CCDC60: variants seen among roughly 807,000 people sequenced by gnomAD.
The protein encoded by CCDC60 is coiled-coil domain containing 60.
Under a neutral mutation model 63.5 loss-of-function variants are expected in CCDC60, and 54 were observed. The ratio of observed to expected loss-of-function variants is 0.85; its 90% CI spans 0.68 to 1.07. The LOEUF (loss-of-function observed/expected upper bound fraction) is 1.07. Ranked by LOEUF, CCDC60 falls within the 50% of genes least tolerant of loss-of-function variation. The pLI is 0.00. For missense variants in CCDC60, 651 were observed against 684.3 expected (o/e 0.95, Z 0.54); for synonymous variants, 206 against 238.8 (o/e 0.86, Z 1.27).
intron 1 of CCDC60, among the ~76,000 whole-genome samples, chr12:119,381,768 G>A (rs1956009854): frequency 6.6e-6 from 1 of 152,122 alleles, no homozygotes; most frequent in South Asian, 2.1e-4. Flanking sequence ...AGTGGAGTCT[G>A]GACTCTTAGA....
At chr12:119,526,284 A>C (rs1952674313) in intron 11 of CCDC60, among the ~76,000 whole-genome samples, 1 of 152,242 alleles carries the variant, frequency 6.6e-6, no homozygotes, top group Non-Finnish European at 1.5e-5. Context: ...AAAGACTTAA[A>C]TGTAAAACCC....
intron 1 of CCDC60, among the ~76,000 whole-genome samples, chr12:119,381,883 C>A (rs1956010978): frequency 6.6e-6 from 1 of 152,200 alleles, no homozygotes; most frequent in Admixed American, 6.5e-5. Flanking sequence ...TGGGGAGGTG[C>A]CTGTGCTACA....
intron 2 of CCDC60, among the ~76,000 whole-genome samples, chr12:119,442,434 C>T (rs911727379): frequency 6.6e-6 from 1 of 152,098 alleles, no homozygotes; most frequent in African/African-American, 2.4e-5. Context: ...GGCAACATGG[C>T]GAAACCACGT....
At chr12:119,406,192 G>GATAT (rs144346171) in intron 1 of CCDC60, among the ~76,000 whole-genome samples, 1 of 143,214 alleles carries the variant, frequency 7.0e-6, no homozygotes, top group Non-Finnish European at 1.5e-5. Flanking sequence ...TATATATATA[G>GATAT]ATATATATAT....
intron 2 of CCDC60, among the ~76,000 whole-genome samples, chr12:119,440,193 C>T (rs752212021): frequency 3.7e-4 from 56 of 152,030 alleles, no homozygotes; most frequent in Admixed American, 3.2e-3. Context: ...CAAACCTGCA[C>T]GTTCTGCACA....
intron 1 of CCDC60, among the ~76,000 whole-genome samples, chr12:119,377,044 C>CA (rs1315337940): frequency 6.6e-6 from 1 of 151,946 alleles, no homozygotes; most frequent in Non-Finnish European, 1.5e-5. Context: ...TACTTGAGGC[C>CA]AGGAGTTCGA....
intron 7 of CCDC60, among the ~76,000 whole-genome samples, chr12:119,507,752 G>A (rs1164042430): frequency 6.7e-6 from 1 of 150,150 alleles, no homozygotes. Context: ...GCCACTTACG[G>A]ATTTCTTGAT....
chr12:119,418,793 A>G (rs188325136), intron 1 of CCDC60, among the ~76,000 whole-genome samples: 1 of 152,282 alleles, frequency 6.6e-6, no homozygotes, highest in Admixed American at 6.5e-5. Context: ...TCCAGCATTC[A>G]ATCAAGGGAC....
At chr12:119,481,803 C>A (rs938591373) in intron 4 of CCDC60, among the ~76,000 whole-genome samples, 1 of 151,706 alleles carries the variant, frequency 6.6e-6, no homozygotes, top group Non-Finnish European at 1.5e-5. Context: ...CATTCTTATG[C>A]CTTTGCATCA....
intron 1 of CCDC60, among the ~76,000 whole-genome samples, chr12:119,345,184 T>C (rs943487516): frequency 6.6e-6 from 1 of 152,072 alleles, no homozygotes; most frequent in Non-Finnish European, 1.5e-5. Context: ...AAGTATAACA[T>C]TAAAGCCAAA....
At chr12:119,476,565 A>T (rs757056962) in intron 3 of CCDC60, among the ~76,000 whole-genome samples, 13 of 152,168 alleles carry the variant, frequency 8.5e-5, no homozygotes, top group Non-Finnish European at 1.8e-4. Context: ...TCCCAGCATC[A>T]TCTCCACTGG....
rs1956567635 is a variant in CCDC60, at chr12:119,410,168, C to T, written c.91-18515C>T. On this transcript the variant is annotated intron_variant, in intron 1 of 13. Transcript: ENST00000327554. This position sits in a 1 kb window ranked among gnomAD's most constrained non-coding sequence, Gnocchi z 4.0. ...TGTGTATTTGTGTGAAAGGTAGATGCTAGTGTTGGAAAGAGTGTGTGTGTG... is the reference window on the plus strand; with the variant it reads ...TGTGTATTTGTGTGAAAGGTAGATGTTAGTGTTGGAAAGAGTGTGTGTGTG... Among the ~76,000 whole-genome samples, 1 of 142,500 alleles carries T rather than the reference C, an allele frequency of 7.0e-6. No homozygotes were observed. The highest frequency in any genetic ancestry group is 1.5e-5 in the Non-Finnish European group (1 of 66,378). The allele number at this position is 142,500 out of a possible 152,430, so 93.5% of individuals were successfully genotyped here.
rs552799169 is a variant in CCDC60 at position 119,334,901 on chromosome 12, A to G, written c.-276A>G. On this transcript the variant is annotated 5_prime_UTR_variant, in exon 1 of 14. Transcript: ENST00000327554. Reference sequence around the variant, plus strand: ...GAAGAGAAAGATATCCCTTCCGAAGAGGAGGAAGCTTACAGAAGTTTATAA... The same window carrying G: ...GAAGAGAAAGATATCCCTTCCGAAGGGGAGGAAGCTTACAGAAGTTTATAA... 8 of 325,750 alleles carry G rather than the reference A, an allele frequency of 2.5e-5. No individual in the cohort carries two copies. The South Asian group carries it at 1.2e-3, about 49-fold the overall frequency. The allele number at this position is 325,750 out of a possible 1,614,324, so 20.2% of individuals were successfully genotyped here.
At chr12:119,361,030 G>A (rs987029318) in intron 1 of CCDC60, among the ~76,000 whole-genome samples, 5 of 151,954 alleles carry the variant, frequency 3.3e-5, no homozygotes, top group South Asian at 2.1e-4. Flanking sequence ...CAGGCACTCC[G>A]CAGGCTGAGG....
chr12:119,389,566 A>G (rs1240782942), intron 1 of CCDC60, among the ~76,000 whole-genome samples: 6 of 151,918 alleles, frequency 3.9e-5, no homozygotes, highest in Non-Finnish European at 7.4e-5. Flanking sequence ...CCACTCTCCT[A>G]TGGGGGTTTC....
At chr12:119,398,155 C>T (rs1242350923) in intron 1 of CCDC60, among the ~76,000 whole-genome samples, 1 of 125,516 alleles carries the variant, frequency 8.0e-6, no homozygotes, top group Admixed American at 8.9e-5. Flanking sequence ...GGGGCTCAGG[C>T]ATGGCGGGCT....
intron 4 of CCDC60, among the ~76,000 whole-genome samples, chr12:119,484,244 C>T (rs910894152): frequency 1.3e-5 from 2 of 152,130 alleles, no homozygotes; most frequent in Non-Finnish European, 2.9e-5. Flanking sequence ...ATAATAGTAC[C>T]TTCTTCACAG....
rs1955726997 is a variant in CCDC60, at chr12:119,357,210, C to G, written c.90+21944C>G. Among the ~76,000 whole-genome samples, 3 of 152,194 alleles carry G rather than the reference C, an allele frequency of 2.0e-5. 1 individual carries two copies. The South Asian group carries it at 6.2e-4, about 31-fold the overall frequency. ...GATCAAGTGAGGGTACTTAGGATAC[C>G]TGTCACTAGGACCATTTATCATTTC... On this transcript the variant is annotated intron_variant, in intron 1 of 13. Coordinates refer to ENST00000327554, the MANE Select transcript of CCDC60 (RefSeq NM_178499.5).
chr12:119,363,123 A>G (rs532667274), intron 1 of CCDC60, among the ~76,000 whole-genome samples: 24 of 152,162 alleles, frequency 1.6e-4, no homozygotes, highest in Admixed American at 7.8e-4. Context: ...AAAGAAAGAA[A>G]TTGGCAGGAT....
Sources: gnomAD v4.1 joint callset for allele counts (sites outside exome capture counted in the v4.1 genomes callset) on GRCh38, gnomAD v4.1.1 for gene constraint, Gnocchi (gnomAD v3.1) non-coding constraint, MANE v1.5 for transcripts, NCBI Gene and HGNC (gene_info 2026-07-23, HGNC 2026-07-21) for gene names.